Variants in GRM3 observed in about 807,000 individuals in gnomAD.
GRM3 encodes metabotropic glutamate receptor 3.
Under a neutral mutation model 70.5 loss-of-function variants are expected in GRM3, and 26 were observed. The observed-to-expected ratio is 0.37, with a 90% CI of 0.27 to 0.51. The LOEUF (loss-of-function observed/expected upper bound fraction) is 0.51, where lower values mean the gene tolerates loss of function less well. Ranked by LOEUF, GRM3 falls within the 20% of genes least tolerant of loss-of-function variation. GRM3 has a pLI of 0.93. For synonymous variants in GRM3, 443 were observed against 434.9 expected, an observed-to-expected ratio of 1.02 and a Z score of -0.23; for missense variants, 859 against 1,123.8, an observed-to-expected ratio of 0.76 and a Z score of 3.37.
intron 2 of GRM3, among the ~76,000 whole-genome samples, chr7:86,767,514 CATATATATATATATATATATATATAT>C (rs3057233): frequency 5.4e-4 from 54 of 100,124 alleles, no homozygotes; most frequent in South Asian, 4.4e-3. Flanking sequence ...GGTCATACTT[CATATATATATATATATATATATATAT>C]ATATATATAT....
intron 3 of GRM3, among the ~76,000 whole-genome samples, chr7:86,813,304 C>G (rs1797949876): frequency 1.3e-5 from 2 of 151,666 alleles, no homozygotes; most frequent in South Asian, 4.2e-4. Flanking sequence ...AAACACTTTT[C>G]CAGCTTCATG....
intron 1 of GRM3, among the ~76,000 whole-genome samples, chr7:86,645,596 T>G (rs1793441111): frequency 6.6e-6 from 1 of 152,164 alleles, no homozygotes; most frequent in Admixed American, 6.5e-5. Flanking sequence ...TCTTAAGGAT[T>G]TCATTTAAAT....
intron 3 of GRM3, among the ~76,000 whole-genome samples, chr7:86,809,347 A>G (rs1002638061): frequency 3.3e-5 from 5 of 152,102 alleles, no homozygotes; most frequent in African/African-American, 1.2e-4. Flanking sequence ...CAGACTTCCC[A>G]TCATACAATT....
intron 1 of GRM3, among the ~76,000 whole-genome samples, chr7:86,716,599 G>T (rs537859636): frequency 6.6e-6 from 1 of 151,328 alleles, no homozygotes; most frequent in African/African-American, 2.4e-5. Flanking sequence ...ACATATGCAG[G>T]TATCTGCACA....
chr7:86,700,473 G>A (rs1265001399), intron 1 of GRM3, among the ~76,000 whole-genome samples: 2 of 151,812 alleles, frequency 1.3e-5, no homozygotes, highest in Non-Finnish European at 2.9e-5. Context: ...CCTCACATCA[G>A]TCCCCAGCTA....
chr7:86,791,983 T>C (rs1327446118), intron 3 of GRM3, among the ~76,000 whole-genome samples: 2 of 152,364 alleles, frequency 1.3e-5, no homozygotes, highest in Middle Eastern at 3.4e-3. Flanking sequence ...ATGAGAATTA[T>C]GTTTGGTGTC....
intron 3 of GRM3, among the ~76,000 whole-genome samples, chr7:86,814,582 T>A (rs778506569): frequency 1.1e-4 from 16 of 151,860 alleles, no homozygotes; most frequent in African/African-American, 3.9e-4. Flanking sequence ...TGGACTTTTT[T>A]AAATGAGGCT....
chr7:86,805,724 T>A (rs567375923), intron 3 of GRM3, among the ~76,000 whole-genome samples: 30 of 152,330 alleles, frequency 2.0e-4, no homozygotes, highest in African/African-American at 7.0e-4. Flanking sequence ...ATTAGCAATA[T>A]GCATTTAAGA....
chr7:86,851,746 T>C (rs1045740072), intron 5 of GRM3, among the ~76,000 whole-genome samples: 5 of 152,130 alleles, frequency 3.3e-5, no homozygotes, highest in African/African-American at 1.2e-4. Context: ...TCTTTCCAGC[T>C]AAACTCCAAC....
chr7:86,740,417 C>CA (rs879390242), intron 1 of GRM3, among the ~76,000 whole-genome samples: 10 of 150,756 alleles, frequency 6.6e-5, no homozygotes, highest in East Asian at 3.9e-4. Context: ...TCCCTTGATT[C>CA]AAAAAAAAGG....
At chr7:86,646,006 TGGGGGGG>T (rs1383756914) in intron 1 of GRM3, among the ~76,000 whole-genome samples, 2 of 10,644 alleles carry the variant, frequency 1.9e-4, no homozygotes, top group Non-Finnish European at 3.3e-4. Context: ...GGTGGGGGGG[TGGGGGGG>T]GGTGGGAGGG....
intron 1 of GRM3, among the ~76,000 whole-genome samples, chr7:86,726,054 G>T (rs1271337113): frequency 6.6e-6 from 1 of 152,154 alleles, no homozygotes; most frequent in Non-Finnish European, 1.5e-5. Context: ...TTAGACCATA[G>T]CATCTATCAG....
chr7:86,837,752 T>G (rs1798486164), intron 3 of GRM3, among the ~76,000 whole-genome samples: 1 of 152,130 alleles, frequency 6.6e-6, no homozygotes, highest in Non-Finnish European at 1.5e-5. Flanking sequence ...ACCAAAATCT[T>G]AGACTGCTAC....
intron 3 of GRM3, among the ~76,000 whole-genome samples, chr7:86,809,175 T>C (rs1036519506): frequency 1.3e-5 from 2 of 152,192 alleles, no homozygotes; most frequent in African/African-American, 4.8e-5. Flanking sequence ...GCCATTCAAC[T>C]AGAACGAGAA....
At chr7:86,686,235 C>T (rs1320068479) in intron 1 of GRM3, among the ~76,000 whole-genome samples, 1 of 152,130 alleles carries the variant, frequency 6.6e-6, no homozygotes, top group Non-Finnish European at 1.5e-5. Flanking sequence ...CATAGACACG[C>T]TCCAGTTTGG....
chr7:86,664,906 AG>A (rs1793986534), intron 1 of GRM3, among the ~76,000 whole-genome samples: 1 of 152,106 alleles, frequency 6.6e-6, no homozygotes, highest in Admixed American at 6.6e-5. Context: ...AGTTCTGGCC[AG>A]CATTATTCAA....
intron 1 of GRM3, among the ~76,000 whole-genome samples, chr7:86,735,584 C>T (rs1372128339): frequency 1.3e-5 from 2 of 152,136 alleles, no homozygotes; most frequent in Non-Finnish European, 2.9e-5. Context: ...TATAAGCACT[C>T]ATTTGGTTTT....
rs139643950 is a variant in GRM3 at position 86,780,644 on chromosome 7, G to T, written c.469-5617G>T. 3.2e-3 allele frequency among the ~76,000 whole-genome samples: 489 copies of T among 152,294 alleles called. 2 individuals are homozygous for T. The highest frequency in any genetic ancestry group is 0.011 in the African/African-American group (450 of 41,566). ...AGGAACTAATGGGTTCTGCTATAAGGCCATTGTGTTTCTCACATAAATCAG... is the reference window on the plus strand; with the variant it reads ...AGGAACTAATGGGTTCTGCTATAAGTCCATTGTGTTTCTCACATAAATCAG... On this transcript the variant is annotated intron_variant, in intron 2 of 5. Transcript: ENST00000361669.
intron 1 of GRM3, among the ~76,000 whole-genome samples, chr7:86,724,887 A>G (rs1246387794): frequency 6.6e-6 from 1 of 152,156 alleles, no homozygotes; most frequent in Non-Finnish European, 1.5e-5. Flanking sequence ...TTTACAGAAT[A>G]TACTTCAGTT....
Sources: allele counts gnomAD v4.1 joint callset (sites outside exome capture counted in the v4.1 genomes callset), GRCh38; gene constraint gnomAD v4.1.1; transcripts MANE v1.5; gene names NCBI Gene and HGNC (gene_info 2026-07-23, HGNC 2026-07-21).